CWH43: variants seen among roughly 807,000 people sequenced by gnomAD.
CWH43 encodes the protein cell wall biogenesis 43 C-terminal homolog, also known as PGAP2-interacting protein.
CWH43 carries 91 observed loss-of-function variants against 85.7 expected under a neutral mutation model. The observed-to-expected ratio is 1.06, with a 90% CI of 0.90 to 1.26. The LOEUF (loss-of-function observed/expected upper bound fraction) is 1.26. Ranked by LOEUF, CWH43 falls within the 50% of genes most tolerant of loss-of-function variation. CWH43 has a pLI of 0.00. For synonymous variants in CWH43, 323 were observed against 293.6 expected (o/e 1.10, Z -1.02); for missense variants, 869 against 839.2 (o/e 1.04, Z -0.44).
rs1172482473 is a variant in CWH43, at chr4:48,992,940, A to G, written c.511+850A>G. On this transcript the variant is annotated intron_variant, in intron 4 of 15. Coordinates refer to ENST00000226432, the MANE Select transcript of CWH43 (RefSeq NM_025087.3). This position sits in a 1 kb window ranked among gnomAD's most constrained non-coding sequence, Gnocchi z 4.3. ...TTGTGATGTTAATAGTAGAAGACTT[A>G]GAACTCTGTCTGGTCCCCTAACTTA... Among the ~76,000 whole-genome samples, 1 of 152,246 alleles carries G rather than the reference A, an allele frequency of 6.6e-6. No homozygotes were observed. The highest frequency in any genetic ancestry group is 1.5e-5 in the Non-Finnish European group (1 of 68,034).
Position 48,988,647 on chromosome 4 carries a change from C to T in CWH43, c.214C>T (p.Leu72=). The T allele has an allele frequency of 6.2e-7, 1 of 1,607,056 alleles. No homozygotes were observed. Among genetic ancestry groups the T allele is most frequent in the Non-Finnish European group, 8.5e-7 (1 of 1,176,812 alleles). Reference sequence around the variant, plus strand: ...GGTTAACAAGAAGTGGATGCTAACCCTGCTGAGGATAATCACTATTGGTAA... The same window carrying T: ...GGTTAACAAGAAGTGGATGCTAACCTTGCTGAGGATAATCACTATTGGTAA... ...KLVNKKWMLT[L]LRIITIGSIA... is the part of the protein sequence containing the mutation. The change falls in exon 2 of 16, where the codon CTG becomes TTG. Residue 72 remains leucine, a synonymous_variant. Transcript: ENST00000226432.
chr4:49,008,275 G>C (rs540898217), intron 8 of CWH43, among the ~76,000 whole-genome samples: 1 of 152,142 alleles, frequency 6.6e-6, no homozygotes, highest in African/African-American at 2.4e-5. Flanking sequence ...GTCTTCTTTG[G>C]AGAAGTGTCT....
At chr4:49,032,498 G>C in intron 11 of CWH43, 68 bp from the exon 12 acceptor site, 1 of 1,566,348 alleles carries the variant, frequency 6.4e-7, no homozygotes, top group Non-Finnish European at 8.8e-7. Context: ...TAATGCATTT[G>C]CTTAGTCCCA....
At chr4:49,057,968 A>T (rs544883657) in intron 15 of CWH43, among the ~76,000 whole-genome samples, 1 of 152,288 alleles carries the variant, frequency 6.6e-6, no homozygotes, top group South Asian at 2.1e-4. Flanking sequence ...ATCTTTCCAA[A>T]CCTTCGCTTT....
Position 48,988,590 on chromosome 4 carries a change from A to G in CWH43, c.157A>G (p.Ile53Val), listed in dbSNP as rs1322106360. 3.7e-6 allele frequency: 6 copies of G among 1,613,418 alleles called. No homozygotes were observed. Among genetic ancestry groups the G allele is most frequent in the Non-Finnish European group, 4.2e-6 (5 of 1,179,558 alleles). Residue 53 changes from isoleucine (I) to valine (V), a missense_variant, in exon 2 of 16, where the codon ATA becomes GTA. Transcript: ENST00000226432. ...TTTTAGTATAGCATTTCTTTCTCCA[A>G]TATTCCTAACAATTACTCCTTTCTG... is the stretch of plus-strand genomic sequence containing the variant. Reference protein sequence around the residue: ...EGFSIAFLSPIFLTITPFWKL... With the variant: ...EGFSIAFLSPVFLTITPFWKL...
chr4:48,991,427 G>T (rs376811924), intron 2 of CWH43, 27 bp from the exon 3 acceptor site: 66 of 1,612,872 alleles, frequency 4.1e-5, no homozygotes, highest in Non-Finnish European at 5.0e-5. Context: ...TGCCAGAAAT[G>T]CTTAGCTCTC....
intron 6 of CWH43, among the ~76,000 whole-genome samples, chr4:49,001,736 G>A (rs548363467): frequency 1.3e-5 from 2 of 152,196 alleles, no homozygotes; most frequent in African/African-American, 4.8e-5. Flanking sequence ...AATGATAACA[G>A]TCAAGATAAA....
chr4:49,038,289 AC>A, intron 13 of CWH43, 109 bp downstream of exon 13: 1 of 836,580 alleles, frequency 1.2e-6, no homozygotes, highest in Non-Finnish European at 1.8e-6. Flanking sequence ...CAGTCTATCT[AC>A]TGCTGCCTAG....
At chr4:49,008,734 C>T (rs570764026) in intron 8 of CWH43, among the ~76,000 whole-genome samples, 1 of 152,142 alleles carries the variant, frequency 6.6e-6, no homozygotes, top group Non-Finnish European at 1.5e-5. Flanking sequence ...AATAGGGAAC[C>T]CTTTCCTCCT....
At chr4:49,055,198 G>A (rs1784913709) in intron 15 of CWH43, among the ~76,000 whole-genome samples, 1 of 152,090 alleles carries the variant, frequency 6.6e-6, no homozygotes. Context: ...CTAATTTGTT[G>A]AGAGTTTTTA....
intron 12 of CWH43, among the ~76,000 whole-genome samples, chr4:49,034,765 C>T (rs78273802): frequency 1.3e-5 from 2 of 152,222 alleles, no homozygotes; most frequent in African/African-American, 4.8e-5. Context: ...TCTTAACTAC[C>T]TTGAGCTTTA....
At position 49,003,998 on chromosome 4, in the gene CWH43, T is replaced by C; in HGVS notation, c.1060+6T>C. 2 of 1,604,784 alleles carry C rather than the reference T, an allele frequency of 1.2e-6. No homozygotes were observed. The highest frequency in any genetic ancestry group is 1.3e-5 in the African/African-American group (1 of 74,776). Reference sequence around the variant, plus strand: ...AAGATCAGATGTGCTTTTGGGTGAGTACATTTGAAAGGTCTGGATTAAAAT... The same window carrying C: ...AAGATCAGATGTGCTTTTGGGTGAGCACATTTGAAAGGTCTGGATTAAAAT... On this transcript the variant is annotated splice_donor_region_variant and intron_variant, in intron 7 of 15. Coordinates refer to ENST00000226432, the MANE Select transcript of CWH43 (RefSeq NM_025087.3).
chr4:49,040,100 A>G (rs560894364), intron 13 of CWH43, among the ~76,000 whole-genome samples: 61 of 152,286 alleles, frequency 4.0e-4, no homozygotes, highest in African/African-American at 1.3e-3. Flanking sequence ...GCTGCATAGT[A>G]TTCCATGGTG....
intron 5 of CWH43, among the ~76,000 whole-genome samples, chr4:48,997,165 G>T (rs1782841052): frequency 6.6e-6 from 1 of 151,848 alleles, no homozygotes; most frequent in South Asian, 2.1e-4. Context: ...GTTGCATTAG[G>T]CCATCATCAT....
At chr4:49,030,715 G>A in intron 10 of CWH43, 110 bp from the exon 11 acceptor site, 3 of 994,998 alleles carry the variant, frequency 3.0e-6, no homozygotes, top group Non-Finnish European at 2.8e-6. Flanking sequence ...CTTTGTTTTT[G>A]GGTTTATCAG....
In CWH43 at chr4:49,027,088, C is replaced by T. The variant is rs1783939926; in HGVS notation, c.1267-1541C>T. ...AAAATGATATATGTCAATTTGGCTG[C>T]TCTGTGAAAAATGGATTATAAGGGG... On this transcript the variant is annotated intron_variant, in intron 9 of 15. Coordinates refer to ENST00000226432, the MANE Select transcript of CWH43 (RefSeq NM_025087.3). Among the ~76,000 whole-genome samples the T allele has an allele frequency of 3.3e-5, 5 of 152,168 alleles. No individual in the cohort carries two copies. The South Asian group carries it at 8.3e-4, about 25-fold the overall frequency.
chr4:49,008,630 C>T (rs948265475), intron 8 of CWH43, among the ~76,000 whole-genome samples: 1 of 152,144 alleles, frequency 6.6e-6, no homozygotes, highest in African/African-American at 2.4e-5. Flanking sequence ...AGTCTTTAAT[C>T]CATCCTGAAT....
At chr4:49,016,958 G>C in intron 8 of CWH43, 5 of 782,820 alleles carry the variant, frequency 6.4e-6, no homozygotes, top group Non-Finnish European at 1.2e-5. Context: ...TCACTTTGTA[G>C]CAGTTCTGCG....
chr4:49,017,051 G>A (rs1476890482), intron 8 of CWH43, 198 bp from the exon 9 acceptor site: 18 of 741,076 alleles, frequency 2.4e-5, no homozygotes, highest in African/African-American at 1.2e-4. Flanking sequence ...CCTCAGCGTC[G>A]GCTGGCACCT....
Sources: allele counts gnomAD v4.1 joint callset (sites outside exome capture counted in the v4.1 genomes callset), GRCh38; gene constraint gnomAD v4.1.1; non-coding constraint Gnocchi (gnomAD v3.1); transcripts MANE v1.5; gene names NCBI Gene and HGNC (gene_info 2026-07-23, HGNC 2026-07-21).